The following KLHL8 variants were observed in gnomAD, a reference collection of about 807,000 sequenced individuals.
The protein encoded by KLHL8 is kelch-like protein 8.
In KLHL8, 38 loss-of-function variants were observed where a neutral mutation model predicts 63.5. That is an observed-to-expected ratio of 0.60 (90% CI 0.46 to 0.78). The LOEUF (loss-of-function observed/expected upper bound fraction) is 0.78, where lower values mean the gene tolerates loss of function less well. Ranked by LOEUF, KLHL8 falls within the 30% of genes least tolerant of loss-of-function variation. The pLI is 0.00. For missense variants in KLHL8, 566 were observed against 752.4 expected (o/e 0.75, Z 2.90); for synonymous variants, 224 against 254.3 (o/e 0.88, Z 1.13).
chr4:87,164,044 C>G lies in KLHL8; in HGVS notation c.1573G>C (p.Glu525Gln), dbSNP rs1400032173. 6.2e-7 allele frequency: 1 copy of G among 1,614,132 alleles called. No homozygotes were observed. Among genetic ancestry groups the G allele is most frequent in the Admixed American group, 1.7e-5 (1 of 60,018 alleles). The change falls in exon 9 of 10, where the codon GAG becomes CAG. Residue 525 changes from glutamate to glutamine, a missense_variant. Transcript: ENST00000273963. ...FDDNSPLSSVERYDPRSNKWD... is the reference protein window; with the variant it reads ...FDDNSPLSSVQRYDPRSNKWD... ...TTGTTGCTTCGGGGGTCATACCGCT[C>G]AACTGAACTCAGAGGAGAATTATCA...
At chr4:87,226,518 C>T (rs570273060) in intron 1 of KLHL8, among the ~76,000 whole-genome samples, 10 of 143,194 alleles carry the variant, frequency 7.0e-5, no homozygotes, top group East Asian at 4.0e-4. Context: ...GCTGAGATCG[C>T]GCCACTGCAT....
chr4:87,182,617 A>G (rs1731098345), intron 4 of KLHL8, among the ~76,000 whole-genome samples: 1 of 152,190 alleles, frequency 6.6e-6, no homozygotes, highest in South Asian at 2.1e-4. Flanking sequence ...TCAAAAAAAA[A>G]GAAGCGAACA....
upstream of KLHL8, chr4:87,221,135 C>A (rs1732828207): frequency 6.6e-6 from 1 of 152,198 alleles, no homozygotes; most frequent in Non-Finnish European, 1.5e-5. Context: ...CGGTGGCTCA[C>A]GCCTGTAATC....
chr4:87,162,415 T>C lies in KLHL8; in HGVS notation c.*1104A>G, dbSNP rs938304144. On this transcript the variant is annotated 3_prime_UTR_variant, in exon 10 of 10. Transcript: ENST00000273963. ...AATAAATACACCAGAGGGATTTAAA[T>C]ATGATAAAAACAGTAATTTCAATCT... 11 of 152,238 alleles carry C rather than the reference T, an allele frequency of 7.2e-5. No homozygotes were observed. The highest frequency in any genetic ancestry group is 2.4e-4 in the African/African-American group (10 of 41,468). The allele number at this position is 152,238 out of a possible 1,614,324, so 9.4% of individuals were successfully genotyped here.
intron 1 of KLHL8, among the ~76,000 whole-genome samples, chr4:87,199,979 A>T (rs930968297): frequency 6.6e-6 from 1 of 151,780 alleles, no homozygotes; most frequent in African/African-American, 2.4e-5. Flanking sequence ...TGTCTCTACA[A>T]AAAATACAAA....
Position 87,161,379 on chromosome 4 carries a change from G to A in KLHL8, c.*2140C>T, listed in dbSNP as rs1002274010. ...TTCATACTGCTGTCAGGTCCTTCAA[G>A]GCTATGCTTCTGATTGCCCACACAC... On this transcript the variant is annotated 3_prime_UTR_variant, in exon 10 of 10. Transcript: ENST00000273963. 30 of 152,056 alleles carry A rather than the reference G, an allele frequency of 2.0e-4. No individual in the cohort carries two copies. Among genetic ancestry groups the A allele is most frequent in the African/African-American group, 7.0e-4 (29 of 41,392 alleles). The allele number at this position is 152,056 out of a possible 1,614,324, so 9.4% of individuals were successfully genotyped here.
At chr4:87,210,727 A>T (rs2110044314) in intron 1 of KLHL8, among the ~76,000 whole-genome samples, 1 of 152,226 alleles carries the variant, frequency 6.6e-6, no homozygotes, top group East Asian at 1.9e-4. Flanking sequence ...CACATACTTT[A>T]GGCTATTTCA....
chr4:87,207,814 A>T, intron 1 of KLHL8: 1 of 1,095,092 alleles, frequency 9.1e-7, no homozygotes, highest in Non-Finnish European at 1.4e-6. Flanking sequence ...GTCGGTCATT[A>T]ACCTGACCTG....
In KLHL8 at chr4:87,176,964, A is replaced by G. The variant is rs545304423; in HGVS notation, c.1097-96T>C. ...AACATTATATAATTAAAATATCACCATAAGTTAATTTTCAATAATTGCTGT... is the reference window on the plus strand; with the variant it reads ...AACATTATATAATTAAAATATCACCGTAAGTTAATTTTCAATAATTGCTGT... On this transcript the variant is annotated intron_variant, in intron 5 of 9. Coordinates refer to ENST00000273963, the MANE Select transcript of KLHL8 (RefSeq NM_020803.5). The G allele has an allele frequency of 7.8e-5, 48 of 613,910 alleles. No individual in the cohort carries two copies. In the East Asian group the frequency reaches 9.8e-4, roughly 13 times the overall value. 38.0% of individuals were successfully genotyped at this position (613,910 alleles called of 1,614,324 possible).
At chr4:87,189,193 C>A (rs1731380549) in intron 2 of KLHL8, among the ~76,000 whole-genome samples, 1 of 152,198 alleles carries the variant, frequency 6.6e-6, no homozygotes, top group Non-Finnish European at 1.5e-5. Flanking sequence ...GGTTGAACAA[C>A]TGGTTGCCTT....
At chr4:87,212,139 G>A (rs1167441694) in intron 1 of KLHL8, among the ~76,000 whole-genome samples, 1 of 152,172 alleles carries the variant, frequency 6.6e-6, no homozygotes, top group Non-Finnish European at 1.5e-5. Flanking sequence ...AGGGCTGTCA[G>A]GAAATAAACA....
intron 1 of KLHL8, chr4:87,207,882 G>A (rs924105803): frequency 1.4e-5 from 22 of 1,529,968 alleles, no homozygotes; most frequent in Middle Eastern, 2.3e-4. Flanking sequence ...AGCAGACATC[G>A]GAGGGCCCCC....
intron 1 of KLHL8, among the ~76,000 whole-genome samples, chr4:87,226,596 T>C (rs1732980429): frequency 1.2e-5 from 1 of 85,150 alleles, no homozygotes; most frequent in South Asian, 3.3e-4. Context: ...TATATATAAA[T>C]AATATATATA....
chr4:87,237,135 A>C (rs1733245493), intron 1 of KLHL8, among the ~76,000 whole-genome samples: 1 of 152,200 alleles, frequency 6.6e-6, no homozygotes, highest in Non-Finnish European at 1.5e-5. Flanking sequence ...ATTGAGTCCC[A>C]GTCACTGTGT....
intron 1 of KLHL8, chr4:87,208,013 T>C: frequency 1.4e-6 from 1 of 702,678 alleles, no homozygotes; most frequent in South Asian, 1.4e-5. Context: ...TTTGTCAAGA[T>C]CATTTCTTGG....
rs565754162 is a variant in KLHL8 at position 87,218,625 on chromosome 4, A to T, written c.-152+1793T>A. 2.0e-5 allele frequency among the ~76,000 whole-genome samples: 3 copies of T among 152,398 alleles called. No homozygotes were observed. The South Asian group carries it at 6.2e-4, about 32-fold the overall frequency. On this transcript the variant is annotated intron_variant, in intron 1 of 9. Coordinates refer to ENST00000273963, the MANE Select transcript of KLHL8 (RefSeq NM_020803.5). Reference sequence around the variant, plus strand: ...ATGTGCAATTATTACAGAATATATCATCTTAACCAATTATCAGTAATCTTA... The same window carrying T: ...ATGTGCAATTATTACAGAATATATCTTCTTAACCAATTATCAGTAATCTTA...
upstream of KLHL8, among the ~76,000 whole-genome samples, chr4:87,222,295 T>C (rs1397502030): frequency 5.3e-5 from 8 of 152,158 alleles, no homozygotes; most frequent in East Asian, 1.3e-3. Flanking sequence ...TTCCCCATTT[T>C]CCCCTAAAAG....
In KLHL8 at chr4:87,163,442, A is replaced by C; in HGVS notation, c.*77T>G. 6.8e-7 allele frequency: 1 copy of C among 1,471,106 alleles called. No homozygotes were observed. The highest frequency in any genetic ancestry group is 9.3e-7 in the Non-Finnish European group (1 of 1,074,016). 91.1% of individuals were successfully genotyped at this position (1,471,106 alleles called of 1,614,324 possible). On this transcript the variant is annotated 3_prime_UTR_variant, in exon 10 of 10. Coordinates refer to ENST00000273963, the MANE Select transcript of KLHL8 (RefSeq NM_020803.5). Reference sequence around the variant, plus strand: ...CTCTAGTTGCAGTAAAAAGTGTTGAAAGGTGGTCATATCAAAATCTTGGTT... The same window carrying C: ...CTCTAGTTGCAGTAAAAAGTGTTGACAGGTGGTCATATCAAAATCTTGGTT...
intron 6 of KLHL8, 57 bp downstream of exon 6, chr4:87,176,700 A>AT (rs1383779052): frequency 1.9e-6 from 2 of 1,059,042 alleles, no homozygotes; most frequent in African/African-American, 3.2e-5. Flanking sequence ...AGGCCTTTAA[A>AT]TTTTAAGAAA....
Sources: allele counts gnomAD v4.1 joint callset (sites outside exome capture counted in the v4.1 genomes callset), GRCh38; gene constraint gnomAD v4.1.1; transcripts MANE v1.5; gene names NCBI Gene and HGNC (gene_info 2026-07-23, HGNC 2026-07-21).